DNER: variants seen among roughly 807,000 people sequenced by gnomAD.
The protein encoded by DNER is delta/notch like EGF repeat containing.
A neutral mutation model predicts 78.2 loss-of-function variants in DNER; 33 were observed. That is an observed-to-expected ratio of 0.42 (90% CI 0.32 to 0.56). The LOEUF is 0.56. DNER is among the 20% of genes least tolerant of loss of function. The probability of loss-of-function intolerance (pLI) is 0.11; values close to 1 mark genes in which losing one functional copy is unlikely to be tolerated. For missense variants in DNER, 918 were observed against 975.3 expected (o/e 0.94, Z 0.78); for synonymous variants, 417 against 384.8 (o/e 1.08, Z -0.98).
At chr2:229,443,010 G>A (rs1694267520) in intron 8 of DNER, among the ~76,000 whole-genome samples, 1 of 152,270 alleles carries the variant, frequency 6.6e-6, no homozygotes, top group Admixed American at 6.5e-5. Context: ...AGAAGAATGG[G>A]CAGAGGAACT....
intron 6 of DNER, among the ~76,000 whole-genome samples, chr2:229,484,933 C>T (rs1695238303): frequency 6.6e-6 from 1 of 152,162 alleles, no homozygotes; most frequent in Non-Finnish European, 1.5e-5. Context: ...TAAAAATCAG[C>T]ATTCTCAGGA....
intron 7 of DNER, among the ~76,000 whole-genome samples, chr2:229,454,877 A>ATGAGGGAATATG (rs1694538683): frequency 1.1e-4 from 17 of 151,228 alleles, no homozygotes; most frequent in African/African-American, 4.2e-4. Flanking sequence ...TACAGTCTAA[A>ATGAGGGAATATG]AAAAGAAAGT....
intron 1 of DNER, among the ~76,000 whole-genome samples, chr2:229,616,163 T>C (rs1015243265): frequency 6.6e-6 from 1 of 152,232 alleles, no homozygotes; most frequent in Non-Finnish European, 1.5e-5. Context: ...TAGGTGACCA[T>C]GCTCATGAAG....
intron 11 of DNER, among the ~76,000 whole-genome samples, chr2:229,377,917 T>C (rs1011784713): frequency 1.3e-5 from 2 of 152,140 alleles, no homozygotes; most frequent in Non-Finnish European, 2.9e-5. Flanking sequence ...ACTTTCCTAA[T>C]GTGATTAAAT....
intron 8 of DNER, among the ~76,000 whole-genome samples, chr2:229,422,638 G>A (rs903945873): frequency 2.6e-5 from 4 of 152,286 alleles, no homozygotes; most frequent in Admixed American, 6.5e-5. Flanking sequence ...AACTTTGGAC[G>A]TGTTTAGATT....
At chr2:229,668,462 A>T (rs2154216754) in intron 1 of DNER, among the ~76,000 whole-genome samples, 1 of 143,840 alleles carries the variant, frequency 7.0e-6, no homozygotes, top group East Asian at 2.0e-4. Flanking sequence ...ATATATATAA[A>T]AGAAGACATA....
At chr2:229,619,144 A>C (rs879786188) in intron 1 of DNER, among the ~76,000 whole-genome samples, 68 of 148,624 alleles carry the variant, frequency 4.6e-4, no homozygotes, top group Non-Finnish European at 9.4e-4. Context: ...TCTCTAAAAA[A>C]ATTTATACAC....
At chr2:229,407,082 A>T in intron 10 of DNER, 150 bp downstream of exon 10, 1 of 685,482 alleles carries the variant, frequency 1.5e-6, no homozygotes, top group Non-Finnish European at 2.5e-6. Flanking sequence ...GTTTTAAAAT[A>T]GATCTTCATC....
chr2:229,687,484 G>A (rs867314846), intron 1 of DNER, among the ~76,000 whole-genome samples: 3 of 151,808 alleles, frequency 2.0e-5, no homozygotes, highest in Non-Finnish European at 2.9e-5. Context: ...GGCTGGTCTC[G>A]AACTCCTGAC....
At chr2:229,696,806 G>A (rs937961225) in intron 1 of DNER, among the ~76,000 whole-genome samples, 9 of 152,160 alleles carry the variant, frequency 5.9e-5, no homozygotes, top group Non-Finnish European at 1.0e-4. Context: ...CTTCTGGGAT[G>A]CTATCACCCA....
Position 229,464,737 on chromosome 2 carries a change from G to A in DNER, c.1261+12403C>T, listed in dbSNP as rs533628226. 2.7e-3 allele frequency among the ~76,000 whole-genome samples: 409 copies of A among 152,224 alleles called. 2 individuals carry two copies. The highest frequency in any genetic ancestry group is 0.013 in the South Asian group (61 of 4,808). On this transcript the variant is annotated intron_variant, in intron 7 of 12. Coordinates refer to ENST00000341772, the MANE Select transcript of DNER (RefSeq NM_139072.4). ...GCTACAGGTTATTGAAGCAGGGTGCGGTGGGTAGAGAATGGTGGGGGCTGT... is the reference window on the plus strand; with the variant it reads ...GCTACAGGTTATTGAAGCAGGGTGCAGTGGGTAGAGAATGGTGGGGGCTGT...
chr2:229,688,440 C>T (rs1699520809), intron 1 of DNER, among the ~76,000 whole-genome samples: 1 of 152,170 alleles, frequency 6.6e-6, no homozygotes, highest in Admixed American at 6.5e-5. Context: ...GACTGAAATG[C>T]AGAAAAGTCT....
At chr2:229,656,178 C>T (rs1175282987) in intron 1 of DNER, among the ~76,000 whole-genome samples, 1 of 152,140 alleles carries the variant, frequency 6.6e-6, no homozygotes, top group Non-Finnish European at 1.5e-5. Context: ...TGTGAAAAGC[C>T]ATCCTTTGCC....
intron 11 of DNER, among the ~76,000 whole-genome samples, chr2:229,381,629 G>A (rs2106332698): frequency 1.3e-5 from 2 of 152,236 alleles, no homozygotes; most frequent in East Asian, 3.9e-4. Flanking sequence ...TGAGTAGGCG[G>A]TTTTCCCCTC....
chr2:229,531,974 T>C (rs750355111), intron 5 of DNER, among the ~76,000 whole-genome samples: 13 of 151,994 alleles, frequency 8.6e-5, no homozygotes, highest in African/African-American at 1.2e-4. Flanking sequence ...AGAATGCAGA[T>C]TGGTGGTTGA....
At chr2:229,455,879 T>C (rs1694561552) in intron 7 of DNER, among the ~76,000 whole-genome samples, 1 of 152,048 alleles carries the variant, frequency 6.6e-6, no homozygotes, top group South Asian at 2.1e-4. Context: ...AAAATAGGGA[T>C]AGAAAGATCA....
At chr2:229,630,239 A>C (rs1045905619) in intron 1 of DNER, among the ~76,000 whole-genome samples, 1 of 152,042 alleles carries the variant, frequency 6.6e-6, no homozygotes, top group Non-Finnish European at 1.5e-5. Flanking sequence ...ACTTTGGGAG[A>C]CTGAGATGAG....
chr2:229,613,802 C>T (rs555595070), intron 1 of DNER, among the ~76,000 whole-genome samples: 3 of 152,082 alleles, frequency 2.0e-5, no homozygotes, highest in Non-Finnish European at 4.4e-5. Context: ...CATTCAGAAA[C>T]AAGTAACTAC....
chr2:229,455,452 T>C (rs760671356), intron 7 of DNER, among the ~76,000 whole-genome samples: 1 of 152,094 alleles, frequency 6.6e-6, no homozygotes, highest in Non-Finnish European at 1.5e-5. Context: ...TCAGAGTTTG[T>C]GGTTAGAGAA....
Sources: gnomAD v4.1 joint callset for allele counts (sites outside exome capture counted in the v4.1 genomes callset) on GRCh38, gnomAD v4.1.1 for gene constraint, MANE v1.5 for transcripts, NCBI Gene and HGNC (gene_info 2026-07-23, HGNC 2026-07-21) for gene names.